The following SLTM variants were observed in gnomAD, a reference collection of about 807,000 sequenced individuals.
The protein encoded by SLTM is SAFB-like transcription modulator.
In SLTM, 43 loss-of-function variants were observed where a neutral mutation model predicts 134.6. That is an observed-to-expected ratio of 0.32 (90% CI 0.25 to 0.41). SLTM has a LOEUF of 0.41. Ranked by LOEUF, SLTM falls within the 10% of genes least tolerant of loss-of-function variation. SLTM has a pLI of 1.00. For synonymous variants in SLTM, 424 were observed against 432.3 expected (o/e 0.98, Z 0.24); for missense variants, 1,055 against 1,288.8 (o/e 0.82, Z 2.78).
chr15:58,887,139 A>C lies in SLTM; in HGVS notation c.2691-20T>G, dbSNP rs549931246. ...TCAACTCTGTTAAACAAAACATAAA[A>C]ACATACATGATCAAAACTGTAATCT... On this transcript the variant is annotated intron_variant, in intron 18 of 20. Transcript: ENST00000380516. 1 of 1,613,816 alleles carries C rather than the reference A, an allele frequency of 6.2e-7. No individual in the cohort carries two copies. The highest frequency in any genetic ancestry group is 8.5e-7 in the Non-Finnish European group (1 of 1,179,834).
At chr15:58,895,617 T>C (rs75448194) in intron 9 of SLTM, among the ~76,000 whole-genome samples, 7 of 152,230 alleles carry the variant, frequency 4.6e-5, no homozygotes, top group Non-Finnish European at 8.8e-5. Context: ...ATTTGCTCCA[T>C]AGCCATTTAT....
At chr15:58,902,552 ATT>A (rs530592795) in intron 5 of SLTM, among the ~76,000 whole-genome samples, 1 of 146,280 alleles carries the variant, frequency 6.8e-6, no homozygotes. Flanking sequence ...TGTCCAGCGA[ATT>A]TTTTTTTTTT....
Position 58,888,575 on chromosome 15 carries a change from T to G in SLTM, c.2205-20A>C, listed in dbSNP as rs1267647548. 3.1e-6 allele frequency: 5 copies of G among 1,611,960 alleles called. No individual in the cohort carries two copies. The highest frequency in any genetic ancestry group is 3.4e-6 in the Non-Finnish European group (4 of 1,179,250). On this transcript the variant is annotated intron_variant, in intron 16 of 20. Coordinates refer to ENST00000380516, the MANE Select transcript of SLTM (RefSeq NM_024755.4). ...TCTCGCCTTGAAGAGAAATATTTGCTTATTTACATAAATTAGTTCTACAGT... is the reference window on the plus strand; with the variant it reads ...TCTCGCCTTGAAGAGAAATATTTGCGTATTTACATAAATTAGTTCTACAGT...
Position 58,912,613 on chromosome 15 carries a change from A to G in SLTM, c.514-3T>C, listed in dbSNP as rs369580496. On this transcript the variant is annotated splice_region_variant and splice_polypyrimidine_tract_variant and intron_variant, in intron 4 of 20. Coordinates refer to ENST00000380516, the MANE Select transcript of SLTM (RefSeq NM_024755.4). ...TCACCTTCTTGAGCTTCAATTTCCTAAGTAAAAGGGTATACAATAGCTTTG... is the reference window on the plus strand; with the variant it reads ...TCACCTTCTTGAGCTTCAATTTCCTGAGTAAAAGGGTATACAATAGCTTTG... The G allele has an allele frequency of 5.0e-6, 8 of 1,600,966 alleles. No individual in the cohort carries two copies. The African/African-American group carries it at 1.1e-4, about 21-fold the overall frequency.
intron 5 of SLTM, among the ~76,000 whole-genome samples, chr15:58,906,816 A>G (rs2035895250): frequency 6.6e-6 from 1 of 152,222 alleles, no homozygotes; most frequent in Non-Finnish European, 1.5e-5. Flanking sequence ...TTTTAGCTGG[A>G]AAGACTGAAC....
At chr15:58,893,198 A>G in intron 13 of SLTM, 81 bp downstream of exon 13, 1 of 1,441,862 alleles carries the variant, frequency 6.9e-7, no homozygotes, top group South Asian at 1.2e-5. Flanking sequence ...GCAAGTACGC[A>G]AAGATGGTTA....
intron 15 of SLTM, 80 bp from the exon 16 acceptor site, chr15:58,889,634 C>A: frequency 6.4e-7 from 1 of 1,551,552 alleles, no homozygotes; most frequent in Non-Finnish European, 8.7e-7. Context: ...TTGTTTTAAT[C>A]CTGTTGCTAA....
At chr15:58,886,947 C>T in intron 19 of SLTM, 28 bp downstream of exon 19, 2 of 1,611,376 alleles carry the variant, frequency 1.2e-6, no homozygotes, top group South Asian at 2.2e-5. Context: ...TGTGTGCAGG[C>T]TCGCGGCAAG....
In SLTM at chr15:58,888,466, T is replaced by G; in HGVS notation, c.2294A>C (p.Gln765Pro). 1.2e-6 allele frequency: 2 copies of G among 1,614,162 alleles called. No homozygotes were observed. Among genetic ancestry groups the G allele is most frequent in the Non-Finnish European group, 1.7e-6 (2 of 1,180,034 alleles). Reference protein sequence around the residue: ...FGHGSDYSRQQNRFNDFDHRE... With the variant: ...FGHGSDYSRQPNRFNDFDHRE... ...GTGATCAAAGTCATTAAATCTGTTC[T>G]GTTGGCGAGAGTAGTCGGATCCATG... Residue 765 changes from glutamine (Q) to proline (P), a missense_variant, in exon 17 of 21, where the codon CAG (glutamine) becomes CCG (proline). Gln to Pro is a moderately conservative substitution (Grantham distance 76, BLOSUM62 -1). This residue lies in a region of SLTM where 776 missense variants were observed against 962.2 expected (regional missense o/e 0.81). Coordinates refer to ENST00000380516, the MANE Select transcript of SLTM (RefSeq NM_024755.4).
chr15:58,890,413 T>C lies in SLTM; in HGVS notation c.1947A>G (p.Arg649=). The C allele has an allele frequency of 1.2e-6, 2 of 1,614,054 alleles. No individual in the cohort carries two copies. The highest frequency in any genetic ancestry group is 8.5e-7 in the Non-Finnish European group (1 of 1,180,006). ...ERERRERERI[R]IIREREERER... is the part of the protein sequence containing the mutation. ...CCCGTTCTTCCCGTTCACGAATTAT[T>C]CTAATGCGTTCTCGCTCTCGACGCT... Residue 649 remains arginine, a synonymous_variant, in exon 15 of 21, where the codon AGA becomes AGG. Transcript: ENST00000380516.
In SLTM at chr15:58,898,840, T is replaced by A; in HGVS notation, c.1071A>T (p.Glu357Asp). ...ASGQAKSSSK[E>D]SKDSKTSSKD... ...TAGATGATGTCTTGCTGTCTTTAGA[T>A]TCCTTTGAAGAGCTAAAGAGGCAAA... Residue 357 changes from glutamate (E) to aspartate (D), a missense_variant, in exon 8 of 21, where the codon GAA becomes GAT. Around this residue, in one of 3 missense-constraint regions of SLTM, gnomAD observed 776 missense variants for 962.2 expected, o/e 0.81. Coordinates refer to ENST00000380516, the MANE Select transcript of SLTM (RefSeq NM_024755.4). The A allele has an allele frequency of 6.2e-7, 1 of 1,609,712 alleles. No homozygotes were observed. Among genetic ancestry groups the A allele is most frequent in the Non-Finnish European group, 8.5e-7 (1 of 1,178,362 alleles).
At chr15:58,925,667 A>C (rs1349876845) in intron 2 of SLTM, among the ~76,000 whole-genome samples, 3 of 152,186 alleles carry the variant, frequency 2.0e-5, no homozygotes, top group African/African-American at 4.8e-5. Context: ...ATTACTACAA[A>C]GATAATTCAC....
chr15:58,880,689 AGAGTAGCTAG>A (rs1363051703), intron 20 of SLTM, among the ~76,000 whole-genome samples: 1 of 152,188 alleles, frequency 6.6e-6, no homozygotes, highest in Non-Finnish European at 1.5e-5. Context: ...GCCAGCCACC[AGAGTAGCTAG>A]GACTACAGGC....
chr15:58,928,309 T>TA (rs2037626142), intron 2 of SLTM, among the ~76,000 whole-genome samples: 1 of 152,238 alleles, frequency 6.6e-6, no homozygotes, highest in East Asian at 1.9e-4. Flanking sequence ...AAGTTAGCTC[T>TA]ACCTGTTTAA....
In SLTM at chr15:58,899,687, T is replaced by A; in HGVS notation, c.840A>T (p.Lys280Asn). 6.2e-7 allele frequency: 1 copy of A among 1,614,184 alleles called. No individual in the cohort carries two copies. Among genetic ancestry groups the A allele is most frequent in the Non-Finnish European group, 8.5e-7 (1 of 1,180,006 alleles). ...TCTGTGCAATGGCGTCCTGCCCATC[T>A]TTTGGCTTACTTGCTTCAGAATCTG... is the stretch of plus-strand genomic sequence containing the variant. ...KITDSEASKP[K>N]DGQDAIAQSP... The change falls in exon 7 of 21, where the codon AAA becomes AAT. Residue 280 changes from lysine (K) to asparagine (N), a missense_variant. Lys to Asn is a moderately conservative substitution (Grantham distance 94, BLOSUM62 0). Around this residue, in one of 3 missense-constraint regions of SLTM, gnomAD observed 776 missense variants for 962.2 expected, o/e 0.81. Transcript: ENST00000380516. This position sits in a 1 kb window ranked among gnomAD's most constrained non-coding sequence, Gnocchi z 5.0.
chr15:58,914,765 C>T (rs188461478), intron 3 of SLTM, among the ~76,000 whole-genome samples: 1 of 152,284 alleles, frequency 6.6e-6, no homozygotes, highest in African/African-American at 2.4e-5. Context: ...GTGATATTTA[C>T]CAACCATTAC....
intron 3 of SLTM, among the ~76,000 whole-genome samples, chr15:58,915,191 AAAAAACAAAAAC>A (rs140925385): frequency 0.69 from 104,185 of 149,930 alleles, 39,442 homozygotes; most frequent in South Asian, 0.9. Context: ...ACTCCATCTC[AAAAAACAAAAAC>A]AAAAACAAAA....
chr15:58,885,115 G>A (rs2034073145), intron 19 of SLTM, among the ~76,000 whole-genome samples: 2 of 152,318 alleles, frequency 1.3e-5, no homozygotes, highest in South Asian at 4.1e-4. Context: ...CAGCAAACAG[G>A]AGTTGTGAAC....
chr15:58,886,952 G>A (rs371566273), intron 19 of SLTM, 23 bp downstream of exon 19: 38 of 1,611,534 alleles, frequency 2.4e-5, no homozygotes, highest in Non-Finnish European at 2.5e-5. Context: ...GCAGGCTCGC[G>A]GCAAGCCTCC....
Sources: allele counts gnomAD v4.1 joint callset (sites outside exome capture counted in the v4.1 genomes callset), GRCh38; gene constraint gnomAD v4.1.1; regional missense constraint gnomAD v4.1.1; non-coding constraint Gnocchi (gnomAD v3.1); transcripts MANE v1.5; gene names NCBI Gene and HGNC (gene_info 2026-07-23, HGNC 2026-07-21).